NSF: variants seen among roughly 807,000 people sequenced by gnomAD.
NSF encodes the protein vesicle-fusing ATPase.
NSF carries 14 observed loss-of-function variants against 50.3 expected under a neutral mutation model. The observed-to-expected ratio is 0.28, with a 90% CI of 0.18 to 0.44. The LOEUF (loss-of-function observed/expected upper bound fraction) is 0.44. Ranked by LOEUF, NSF falls within the 20% of genes least tolerant of loss-of-function variation. The probability of loss-of-function intolerance (pLI) is 1.00; values close to 1 mark genes in which losing one functional copy is unlikely to be tolerated. For missense variants in NSF, 218 were observed against 504.3 expected (o/e 0.43, Z 5.44); for synonymous variants, 109 against 175.7 (o/e 0.62, Z 3.00).
At chr17:46,713,534 T>C (rs1276608113) in intron 14 of NSF, among the ~76,000 whole-genome samples, 1 of 152,242 alleles carries the variant, frequency 6.6e-6, no homozygotes, top group Non-Finnish European at 1.5e-5. Flanking sequence ...ACATAAGTAC[T>C]AATATGCATT....
intron 17 of NSF, 97 bp downstream of exon 17, chr17:46,729,031 C>A (rs2058921855): frequency 1.3e-6 from 1 of 761,464 alleles, no homozygotes; most frequent in Non-Finnish European, 2.1e-6. Context: ...TTATCATAAA[C>A]ATAAAATTCT....
rs1234801745 is a variant in NSF, at chr17:46,688,871, AAAT to A, written c.946-4029_946-4027del. Among the ~76,000 whole-genome samples, 3 of 100,566 alleles carry A rather than the reference AAAT, an allele frequency of 3.0e-5. 1 individual carries two copies. The highest frequency in any genetic ancestry group is 1.2e-4 in the Admixed American group (1 of 8,618). The allele number at this position is 100,566 out of a possible 152,430, so 66.0% of individuals were successfully genotyped here. A position where few individuals can be genotyped will look rare whatever the true frequency, so the allele number is the denominator to read the frequency against. On this transcript the variant is annotated intron_variant, in intron 9 of 20. Transcript: ENST00000398238. ...CTCACTTTACTTGTACCATACACAA[AAAT>A]AAAACACCAGATAAAGAATTATATG...
chr17:46,720,330 C>T (rs990389675), intron 15 of NSF, among the ~76,000 whole-genome samples: 1 of 151,954 alleles, frequency 6.6e-6, no homozygotes, highest in Non-Finnish European at 1.5e-5. Context: ...ATCTCTTTGG[C>T]GTAGAAAGGA....
Position 46,757,284 on chromosome 17 carries a change from A to G in NSF, c.*1461A>G, listed in dbSNP as rs539980795. ...TGAGATCCTGTGATTCCTGGTGGCC[A>G]GTATCCTGGATTCCTCTAAGATCTT... On this transcript the variant is annotated 3_prime_UTR_variant, in exon 21 of 21. Coordinates refer to ENST00000398238, the MANE Select transcript of NSF (RefSeq NM_006178.4). 2.6e-5 allele frequency: 4 copies of G among 152,698 alleles called. No individual in the cohort carries two copies. The highest frequency in any genetic ancestry group is 9.6e-5 in the African/African-American group (4 of 41,576). 9.5% of individuals were successfully genotyped at this position (152,698 alleles called of 1,614,324 possible). A position where few individuals can be genotyped will look rare whatever the true frequency, so the allele number is the denominator to read the frequency against.
chr17:46,733,108 C>CA (rs1239894141), intron 17 of NSF, among the ~76,000 whole-genome samples: 1 of 152,228 alleles, frequency 6.6e-6, no homozygotes, highest in Non-Finnish European at 1.5e-5. Context: ...GGCTTGAAGA[C>CA]ACCCCTCCTT....
Position 46,711,083 on chromosome 17 carries a change from A to G in NSF, c.1591A>G (p.Ser531Gly). 6.3e-7 allele frequency: 1 copy of G among 1,574,890 alleles called. No individual in the cohort carries two copies. The change falls in exon 14 of 21, where the codon AGT becomes GGT. Residue 531 changes from serine to glycine, a missense_variant. By Grantham distance (56) the Ser-to-Gly change is moderately conservative (BLOSUM62 0). Coordinates refer to ENST00000398238, the MANE Select transcript of NSF (RefSeq NM_006178.4). ...GCTGCTGGTGCAGCAGACTAAGAACAGTGACCGCACACCATTGGTCAGCGT... is the reference window on the plus strand; with the variant it reads ...GCTGCTGGTGCAGCAGACTAAGAACGGTGACCGCACACCATTGGTCAGCGT... ...GELLVQQTKN[S>G]DRTPLVSVLL...
chr17:46,642,261 A>G (rs1247487116), intron 7 of NSF, among the ~76,000 whole-genome samples: 1 of 111,346 alleles, frequency 9.0e-6, no homozygotes, highest in African/African-American at 3.3e-5. Context: ...ATACATGTAT[A>G]CATTGTAGAA....
intron 15 of NSF, among the ~76,000 whole-genome samples, chr17:46,715,973 A>G (rs536336430): frequency 1.3e-5 from 2 of 152,354 alleles, no homozygotes; most frequent in Non-Finnish European, 2.9e-5. Context: ...ACAAATTTAT[A>G]TTAGAATTTT....
At chr17:46,737,444 C>T (rs778008624) in intron 17 of NSF, among the ~76,000 whole-genome samples, 2 of 152,164 alleles carry the variant, frequency 1.3e-5, no homozygotes, top group African/African-American at 4.8e-5. Context: ...GCAACCCTAA[C>T]GCTGAACAAG....
At chr17:46,732,939 G>T (rs1020981426) in intron 17 of NSF, among the ~76,000 whole-genome samples, 1 of 152,220 alleles carries the variant, frequency 6.6e-6, no homozygotes, top group African/African-American at 2.4e-5. Flanking sequence ...AGGCATGGGG[G>T]TGCTCACTGT....
At chr17:46,749,432 A>C (rs559070658) in intron 17 of NSF, among the ~76,000 whole-genome samples, 1 of 152,140 alleles carries the variant, frequency 6.6e-6, no homozygotes, top group African/African-American at 2.4e-5. Context: ...TTTTTCCCCA[A>C]TTCCCACCAT....
At chr17:46,755,442 A>G in intron 20 of NSF, 73 bp downstream of exon 20, 2 of 1,241,580 alleles carry the variant, frequency 1.6e-6, no homozygotes, top group Non-Finnish European at 2.4e-6. Flanking sequence ...CTATTCTAAG[A>G]GTTGCTTTCC....
chr17:46,755,610 T>C lies in NSF; in HGVS notation c.2214-192T>C, dbSNP rs1316449204. The stretch of plus-strand genomic sequence containing the variant: ...GAAAAACTTAATGGTACATATTTAT[T>C]GGAACCTGCTTTTACATGCATGGAG... On this transcript the variant is annotated intron_variant, in intron 20 of 20. Transcript: ENST00000398238. 7.1e-6 allele frequency: 5 copies of C among 708,932 alleles called. No homozygotes were observed. In the East Asian group the frequency reaches 1.3e-4, roughly 19 times the overall value. The allele number at this position is 708,932 out of a possible 1,614,324, so 43.9% of individuals were successfully genotyped here. A position where few individuals can be genotyped will look rare whatever the true frequency, so the allele number is the denominator to read the frequency against.
chr17:46,706,906 A>G (rs2058662073), intron 13 of NSF, among the ~76,000 whole-genome samples: 1 of 144,654 alleles, frequency 6.9e-6, no homozygotes, highest in Non-Finnish European at 1.5e-5. Context: ...GTTGGAGTGC[A>G]GTGGTGTGAT....
chr17:46,733,904 AG>A (rs1188072423), intron 17 of NSF, among the ~76,000 whole-genome samples: 2 of 152,232 alleles, frequency 1.3e-5, no homozygotes, highest in Non-Finnish European at 2.9e-5. Flanking sequence ...TCTGACACCT[AG>A]GAATATTACC....
At chr17:46,755,235 A>G (rs898838544) in intron 19 of NSF, 79 bp from the exon 20 acceptor site, 6 of 1,070,614 alleles carry the variant, frequency 5.6e-6, no homozygotes, top group South Asian at 2.5e-5. Context: ...GTGAAACCGA[A>G]CACTGCCTTC....
intron 15 of NSF, among the ~76,000 whole-genome samples, chr17:46,722,483 T>C (rs1014607425): frequency 6.6e-6 from 1 of 152,210 alleles, no homozygotes; most frequent in African/African-American, 2.4e-5. Context: ...CCTCTCCTCC[T>C]GCTGGGATTT....
chr17:46,690,648 A>T (rs1232358926), intron 9 of NSF, among the ~76,000 whole-genome samples: 1 of 119,224 alleles, frequency 8.4e-6, no homozygotes, highest in Non-Finnish European at 1.8e-5. Flanking sequence ...TATATTGTAT[A>T]GGGATGGGAA....
chr17:46,743,282 T>C (rs2059095446), intron 17 of NSF, among the ~76,000 whole-genome samples: 1 of 152,194 alleles, frequency 6.6e-6, no homozygotes, highest in Non-Finnish European at 1.5e-5. Flanking sequence ...CTCACCCACC[T>C]GACCTAACCG....
Sources: gnomAD v4.1 joint callset for allele counts (sites outside exome capture counted in the v4.1 genomes callset) on GRCh38, gnomAD v4.1.1 for gene constraint, MANE v1.5 for transcripts, NCBI Gene and HGNC (gene_info 2026-07-23, HGNC 2026-07-21) for gene names.